Variants in EXT1 observed in about 807,000 individuals in gnomAD.
The protein encoded by EXT1 is exostosin-1.
In EXT1, 20 loss-of-function variants were observed where a neutral mutation model predicts 82.5. That is an observed-to-expected ratio of 0.24 (90% CI 0.17 to 0.35). EXT1 has a LOEUF of 0.35. EXT1 is among the 10% of genes least tolerant of loss of function. EXT1 has a pLI of 1.00. For synonymous variants in EXT1, 348 were observed against 350.8 expected, an observed-to-expected ratio of 0.99 and a Z score of 0.09; for missense variants, 757 against 936.5, an observed-to-expected ratio of 0.81 and a Z score of 2.50.
intron 1 of EXT1, among the ~76,000 whole-genome samples, chr8:118,093,972 G>A (rs967312291): frequency 4.6e-5 from 7 of 152,216 alleles, no homozygotes; most frequent in East Asian, 1.9e-4. Context: ...CACTGTTATC[G>A]CGCTTCCTGA....
intron 1 of EXT1, among the ~76,000 whole-genome samples, chr8:117,865,982 T>C (rs921932463): frequency 2.6e-5 from 4 of 152,170 alleles, no homozygotes; most frequent in African/African-American, 9.7e-5. Flanking sequence ...CTCAGTACTT[T>C]GGGAGGTCAA....
intron 1 of EXT1, among the ~76,000 whole-genome samples, chr8:117,891,872 T>A (rs1190727990): frequency 6.8e-6 from 1 of 146,274 alleles, no homozygotes; most frequent in Non-Finnish European, 1.5e-5. Flanking sequence ...AGTGGCACGA[T>A]CTCGGCTCAC....
intron 1 of EXT1, among the ~76,000 whole-genome samples, chr8:118,107,371 C>T (rs140100188): frequency 6.6e-4 from 100 of 152,110 alleles, no homozygotes; most frequent in African/African-American, 2.0e-3. Flanking sequence ...GTGCTTAGAG[C>T]ACCCCTGAAG....
chr8:118,017,004 G>A (rs916056096), intron 1 of EXT1, among the ~76,000 whole-genome samples: 14 of 152,176 alleles, frequency 9.2e-5, no homozygotes, highest in African/African-American at 2.2e-4. Flanking sequence ...TGCATGGTAC[G>A]TGTATAAAAT....
chr8:117,839,411 T>C (rs1395466675), intron 1 of EXT1, among the ~76,000 whole-genome samples: 4 of 152,224 alleles, frequency 2.6e-5, no homozygotes, highest in Admixed American at 2.6e-4. Flanking sequence ...TACCATTATA[T>C]GTATGTGTAT....
chr8:117,929,141 A>G (rs941961322), intron 1 of EXT1, among the ~76,000 whole-genome samples: 1 of 152,224 alleles, frequency 6.6e-6, no homozygotes, highest in African/African-American at 2.4e-5. Context: ...AGAGTGCTAT[A>G]TATACAGTAA....
At chr8:117,979,392 C>CA (rs1211622338) in intron 1 of EXT1, among the ~76,000 whole-genome samples, 7 of 150,792 alleles carry the variant, frequency 4.6e-5, no homozygotes, top group African/African-American at 1.5e-4. Flanking sequence ...AAAAACAAAA[C>CA]AAAAAAAGAT....
intron 1 of EXT1, among the ~76,000 whole-genome samples, chr8:117,855,175 C>G (rs1475192134): frequency 6.6e-6 from 1 of 152,168 alleles, no homozygotes; most frequent in Non-Finnish European, 1.5e-5. Context: ...TCATCTCAAA[C>G]CTAAAACACC....
chr8:117,949,446 T>A (rs1008087792), intron 1 of EXT1, among the ~76,000 whole-genome samples: 2 of 150,688 alleles, frequency 1.3e-5, no homozygotes, highest in East Asian at 3.9e-4. Flanking sequence ...CTAATATCAG[T>A]ACCTAGTTTG....
At chr8:117,930,215 T>C (rs1465905255) in intron 1 of EXT1, among the ~76,000 whole-genome samples, 4 of 152,082 alleles carry the variant, frequency 2.6e-5, no homozygotes, top group African/African-American at 9.7e-5. Context: ...TCCCAACCAG[T>C]GGGACCAGTC....
chr8:117,961,945 C>G (rs143066043), intron 1 of EXT1, among the ~76,000 whole-genome samples: 13 of 152,284 alleles, frequency 8.5e-5, no homozygotes, highest in South Asian at 2.1e-4. Flanking sequence ...CACTTAGTGT[C>G]CTCCATAAGT....
rs775466606 is a variant in EXT1, at chr8:117,822,436, G to C, written c.1417+29C>G. On this transcript the variant is annotated intron_variant, in intron 5 of 10. Coordinates refer to ENST00000378204, the MANE Select transcript of EXT1 (RefSeq NM_000127.3). ...TGTATGACATCTTCAGGGTAAACAA[G>C]GGCAACTCCCTGGAGGAAATTCACT... 1.6e-5 allele frequency: 25 copies of C among 1,610,824 alleles called. No homozygotes were observed. In the South Asian group the frequency reaches 2.7e-4, roughly 18 times the overall value.
chr8:117,848,204 T>C (rs1812396626), intron 1 of EXT1, among the ~76,000 whole-genome samples: 2 of 152,236 alleles, frequency 1.3e-5, no homozygotes, highest in African/African-American at 2.4e-5. Flanking sequence ...TACATGGGTG[T>C]ATCCATGGGA....
chr8:118,052,070 T>G (rs1221054273), intron 1 of EXT1, among the ~76,000 whole-genome samples: 3 of 152,206 alleles, frequency 2.0e-5, no homozygotes, highest in African/African-American at 7.2e-5. Flanking sequence ...TCATGCCCTT[T>G]TACGTTAAGG....
chr8:117,976,766 T>A (rs527569336), intron 1 of EXT1, among the ~76,000 whole-genome samples: 1 of 152,326 alleles, frequency 6.6e-6, no homozygotes, highest in South Asian at 2.1e-4. Flanking sequence ...GATATCTCAG[T>A]CTCATAGAAG....
intron 1 of EXT1, among the ~76,000 whole-genome samples, chr8:117,887,107 A>G (rs1813159217): frequency 6.6e-6 from 1 of 152,182 alleles, no homozygotes; most frequent in South Asian, 2.1e-4. Flanking sequence ...TCTTGTCATA[A>G]AATGGGATCA....
At chr8:118,052,138 T>C (rs1452296509) in intron 1 of EXT1, among the ~76,000 whole-genome samples, 2 of 152,182 alleles carry the variant, frequency 1.3e-5, no homozygotes, top group Non-Finnish European at 2.9e-5. Flanking sequence ...GAAGGGGAGC[T>C]GAACGCAAAC....
At chr8:117,906,620 T>C (rs1813548799) in intron 1 of EXT1, among the ~76,000 whole-genome samples, 1 of 152,212 alleles carries the variant, frequency 6.6e-6, no homozygotes, top group Non-Finnish European at 1.5e-5. Context: ...CGAAATTCCT[T>C]AAAGCACAGA....
chr8:117,899,331 A>G (rs1813399931), intron 1 of EXT1, among the ~76,000 whole-genome samples: 1 of 152,242 alleles, frequency 6.6e-6, no homozygotes, highest in Non-Finnish European at 1.5e-5. Context: ...CTATAGGAGG[A>G]AAACAGAAAA....
Sources: gnomAD v4.1 joint callset for allele counts (sites outside exome capture counted in the v4.1 genomes callset) on GRCh38, gnomAD v4.1.1 for gene constraint, MANE v1.5 for transcripts, NCBI Gene and HGNC (gene_info 2026-07-23, HGNC 2026-07-21) for gene names.